Variants in STAM observed in about 807,000 individuals in gnomAD.
STAM encodes signal transducing adaptor molecule, also known as signal transducing adapter molecule 1.
A neutral mutation model predicts 63.4 loss-of-function variants in STAM; 16 were observed. The observed-to-expected ratio is 0.25, with a 90% confidence interval of 0.17 to 0.38. The LOEUF (loss-of-function observed/expected upper bound fraction) is 0.38. STAM is among the 10% of genes least tolerant of loss of function. The probability of loss-of-function intolerance (pLI) is 1.00; values close to 1 mark genes in which losing one functional copy is unlikely to be tolerated. For synonymous variants in STAM, 238 were observed against 223.9 expected (o/e 1.06, Z -0.56); for missense variants, 636 against 657.1 (o/e 0.97, Z 0.35).
At chr10:17,678,062 G>T (rs1554824848) in intron 2 of STAM, among the ~76,000 whole-genome samples, 2 of 152,114 alleles carry the variant, frequency 1.3e-5, no homozygotes, top group African/African-American at 4.8e-5. Context: ...TTGTGCAACA[G>T]TATCTAATTC....
At chr10:17,660,420 G>A (rs1554822722) in intron 1 of STAM, 44 bp from the exon 2 acceptor site, 2 of 1,340,106 alleles carry the variant, frequency 1.5e-6, no homozygotes, top group East Asian at 4.8e-5. Flanking sequence ...ATCTTTTAAA[G>A]ATTTGAAAAA....
chr10:17,683,821 T>C (rs1554825763), intron 2 of STAM, among the ~76,000 whole-genome samples: 1 of 152,252 alleles, frequency 6.6e-6, no homozygotes. Context: ...CTTCTTCATA[T>C]CATGTCTTCA....
chr10:17,697,942 A>T (rs2131665972), intron 8 of STAM, among the ~76,000 whole-genome samples: 1 of 152,260 alleles, frequency 6.6e-6, no homozygotes, highest in Admixed American at 6.5e-5. Context: ...AAGAAAAAAA[A>T]TCTTTGTCCT....
At chr10:17,707,069 C>G (rs889280252) in intron 12 of STAM, among the ~76,000 whole-genome samples, 2 of 152,138 alleles carry the variant, frequency 1.3e-5, no homozygotes, top group African/African-American at 4.8e-5. Context: ...TTCAAGGACC[C>G]CCTTTTCACA....
At chr10:17,686,525 C>T (rs781816952) in intron 4 of STAM, among the ~76,000 whole-genome samples, 2 of 151,844 alleles carry the variant, frequency 1.3e-5, no homozygotes, top group African/African-American at 2.4e-5. Flanking sequence ...TACAGGCATG[C>T]GCCACCACGC....
intron 1 of STAM, among the ~76,000 whole-genome samples, chr10:17,655,329 G>A (rs1374890741): frequency 6.6e-6 from 1 of 152,054 alleles, no homozygotes; most frequent in Non-Finnish European, 1.5e-5. Flanking sequence ...TTGGATCTTT[G>A]TATTAATTCT....
At chr10:17,657,660 A>G (rs984354415) in intron 1 of STAM, among the ~76,000 whole-genome samples, 1 of 152,136 alleles carries the variant, frequency 6.6e-6, no homozygotes, top group East Asian at 1.9e-4. Context: ...GGCCATTTAG[A>G]TTGTCTGTTT....
intron 13 of STAM, among the ~76,000 whole-genome samples, chr10:17,711,704 G>C (rs755276907): frequency 4.6e-5 from 7 of 152,270 alleles, no homozygotes; most frequent in Non-Finnish European, 7.4e-5. Context: ...GGTATGTATC[G>C]GCATTCCAGC....
chr10:17,687,395 G>A (rs1176864264), intron 4 of STAM, among the ~76,000 whole-genome samples: 1 of 151,890 alleles, frequency 6.6e-6, no homozygotes, highest in African/African-American at 2.4e-5. Context: ...CGCTTGAACC[G>A]CATCCCCCAC....
chr10:17,676,396 A>G (rs544968431), intron 2 of STAM, among the ~76,000 whole-genome samples: 1 of 152,288 alleles, frequency 6.6e-6, no homozygotes, highest in Admixed American at 6.5e-5. Context: ...ACTGGTAAAT[A>G]ATGAAATTGA....
chr10:17,651,195 C>CT (rs1833729072), intron 1 of STAM, among the ~76,000 whole-genome samples: 2 of 151,304 alleles, frequency 1.3e-5, no homozygotes, highest in African/African-American at 4.8e-5. Flanking sequence ...TCACCTTCCA[C>CT]TTTTTTCTTG....
chr10:17,661,045 A>G (rs1430472514), intron 2 of STAM, among the ~76,000 whole-genome samples: 1 of 152,188 alleles, frequency 6.6e-6, no homozygotes, highest in Non-Finnish European at 1.5e-5. Flanking sequence ...GATTTGCAAC[A>G]TTCCACCTAA....
intron 1 of STAM, among the ~76,000 whole-genome samples, chr10:17,659,098 T>A (rs1470252150): frequency 6.7e-6 from 1 of 149,144 alleles, no homozygotes; most frequent in Non-Finnish European, 1.5e-5. Context: ...AGCATAGCAG[T>A]TATACTTTTT....
intron 2 of STAM, among the ~76,000 whole-genome samples, chr10:17,677,631 A>G (rs1026943580): frequency 6.6e-5 from 10 of 152,232 alleles, no homozygotes; most frequent in Admixed American, 1.3e-4. Context: ...TGATGCTGCT[A>G]TCCAAAAATT....
At chr10:17,671,226 A>C (rs1834627875) in intron 2 of STAM, among the ~76,000 whole-genome samples, 1 of 152,236 alleles carries the variant, frequency 6.6e-6, no homozygotes, top group Non-Finnish European at 1.5e-5. Flanking sequence ...TATGTCCTTG[A>C]ATGGTAAACC....
rs989649649 is a variant in STAM, at chr10:17,710,717, A to G, written c.1385+1766A>G. 2.6e-5 allele frequency among the ~76,000 whole-genome samples: 4 copies of G among 152,126 alleles called. No homozygotes were observed. The South Asian group carries it at 6.2e-4, about 24-fold the overall frequency. On this transcript the variant is annotated intron_variant, in intron 13 of 13. Transcript: ENST00000377524. ...AGAGCTGGCACTGTCTTTCACCTCTATAGCCATCCTATGTAGCACACAGTT... is the reference window on the plus strand; with the variant it reads ...AGAGCTGGCACTGTCTTTCACCTCTGTAGCCATCCTATGTAGCACACAGTT...
At chr10:17,714,497 C>G (rs782295917) in intron 13 of STAM, 46 bp from the exon 14 acceptor site, 6 of 1,543,318 alleles carry the variant, frequency 3.9e-6, no homozygotes, top group Non-Finnish European at 5.4e-6. Flanking sequence ...TGTAGTTGCT[C>G]TATAAATCAG....
intron 2 of STAM, among the ~76,000 whole-genome samples, chr10:17,675,181 T>C (rs1290010134): frequency 3.3e-5 from 5 of 152,230 alleles, no homozygotes; most frequent in African/African-American, 9.6e-5. Context: ...TTTTAGTTTA[T>C]GAACATTCAT....
intron 5 of STAM, among the ~76,000 whole-genome samples, chr10:17,691,403 AGCTACTCAGGAG>A (rs1249856768): frequency 1.3e-5 from 2 of 152,078 alleles, no homozygotes; most frequent in Admixed American, 6.5e-5. Flanking sequence ...CTGTAGTCCC[AGCTACTCAGGAG>A]GCTGAGGCAG....
Sources: gnomAD v4.1 joint callset for allele counts (sites outside exome capture counted in the v4.1 genomes callset) on GRCh38, gnomAD v4.1.1 for gene constraint, MANE v1.5 for transcripts, NCBI Gene and HGNC (gene_info 2026-07-23, HGNC 2026-07-21) for gene names.